SCFD1: variants seen among roughly 807,000 people sequenced by gnomAD.
The protein encoded by SCFD1 is sec1 family domain containing 1, also known as sec1 family domain-containing protein 1.
SCFD1 carries 37 observed loss-of-function variants against 103.2 expected under a neutral mutation model. The ratio of observed to expected loss-of-function variants is 0.36; its 90% CI spans 0.28 to 0.47. SCFD1 has a LOEUF of 0.47. Among genes scored for constraint, SCFD1 ranks in the 20% least tolerant of loss-of-function variants. SCFD1 has a pLI of 1.00. For synonymous variants in SCFD1, 264 were observed against 245.0 expected, an observed-to-expected ratio of 1.08 and a Z score of -0.73; for missense variants, 639 against 761.2, an observed-to-expected ratio of 0.84 and a Z score of 1.89.
At chr14:30,622,574 G>A (rs1882956591) in intron 1 of SCFD1, 175 bp downstream of exon 1, 1 of 1,152,610 alleles carries the variant, frequency 8.7e-7, no homozygotes, top group Non-Finnish European at 1.2e-6. Flanking sequence ...TGAGGACTCG[G>A]TTCCTCCTGT....
Position 30,710,588 on chromosome 14 carries a change from A to G in SCFD1, c.1629+2523A>G, listed in dbSNP as rs368376560. 1.6e-4 allele frequency among the ~76,000 whole-genome samples: 24 copies of G among 152,278 alleles called. No homozygotes were observed. The South Asian group carries it at 5.0e-3, about 32-fold the overall frequency. On this transcript the variant is annotated intron_variant, in intron 19 of 24. Coordinates refer to ENST00000458591, the MANE Select transcript of SCFD1 (RefSeq NM_016106.4). ...TCTCTGGTTACTACTGTCCACGACA[A>G]ATTGCTAGGATTGAAATCTAGAATC...
At chr14:30,671,552 G>A (rs1198358450) in intron 11 of SCFD1, among the ~76,000 whole-genome samples, 2 of 152,048 alleles carry the variant, frequency 1.3e-5, no homozygotes, top group Admixed American at 6.6e-5. Context: ...TAGAACATAT[G>A]TTTAAGAACA....
At chr14:30,683,299 G>T in intron 14 of SCFD1, 1 of 814,400 alleles carries the variant, frequency 1.2e-6, no homozygotes, top group Non-Finnish European at 1.9e-6. Context: ...ATAGTAGCAG[G>T]GTGTGAGGAA....
chr14:30,711,108 A>G (rs1391538573), intron 19 of SCFD1, among the ~76,000 whole-genome samples: 1 of 152,236 alleles, frequency 6.6e-6, no homozygotes, highest in Non-Finnish European at 1.5e-5. Context: ...GAATGTGAAG[A>G]TGAATAATGT....
intron 2 of SCFD1, 109 bp from the exon 3 acceptor site, chr14:30,630,368 A>G (rs1209637088): frequency 2.8e-6 from 2 of 702,600 alleles, no homozygotes; most frequent in African/African-American, 3.6e-5. Flanking sequence ...CAAGGATAAC[A>G]ATTCAGTATA....
chr14:30,727,318 A>C (rs1893114874), intron 23 of SCFD1, among the ~76,000 whole-genome samples: 1 of 152,228 alleles, frequency 6.6e-6, no homozygotes, highest in Non-Finnish European at 1.5e-5. Context: ...TTCGTTGTTC[A>C]ACAAAATCGT....
At chr14:30,657,513 G>A (rs1315446009) in intron 10 of SCFD1, among the ~76,000 whole-genome samples, 1 of 152,196 alleles carries the variant, frequency 6.6e-6, no homozygotes, top group Non-Finnish European at 1.5e-5. Context: ...GGTGGTGAAA[G>A]TAGATGGTAG....
At chr14:30,646,419 A>G (rs1003786941) in intron 7 of SCFD1, among the ~76,000 whole-genome samples, 2 of 150,382 alleles carry the variant, frequency 1.3e-5, no homozygotes, top group South Asian at 2.1e-4. Context: ...CTTTTTATGT[A>G]ATGAATCACA....
chr14:30,637,842 A>G (rs1884887055), intron 4 of SCFD1, among the ~76,000 whole-genome samples: 1 of 152,140 alleles, frequency 6.6e-6, no homozygotes, highest in Non-Finnish European at 1.5e-5. Flanking sequence ...TGGATATTTT[A>G]AGAAGAATGC....
intron 4 of SCFD1, 80 bp downstream of exon 4, chr14:30,634,117 G>A (rs1884461733): frequency 2.6e-6 from 2 of 766,342 alleles, no homozygotes; most frequent in East Asian, 2.7e-5. Flanking sequence ...GATGTCCAGG[G>A]TGAAAAATCA....
At chr14:30,716,174 A>G (rs924064629) in intron 20 of SCFD1, among the ~76,000 whole-genome samples, 197 bp downstream of exon 20, 2 of 152,226 alleles carry the variant, frequency 1.3e-5, no homozygotes, top group African/African-American at 4.8e-5. Context: ...CTCAGCTGCC[A>G]TACCCATTCT....
At chr14:30,728,799 G>A (rs1290015997) in intron 23 of SCFD1, among the ~76,000 whole-genome samples, 1 of 147,276 alleles carries the variant, frequency 6.8e-6, no homozygotes, top group Non-Finnish European at 1.5e-5. Context: ...TTGGCCATTT[G>A]TATATCTTTG....
intron 10 of SCFD1, among the ~76,000 whole-genome samples, chr14:30,659,267 CAA>C (rs1434468292): frequency 7.5e-5 from 11 of 145,772 alleles, no homozygotes; most frequent in Non-Finnish European, 6.0e-5. Flanking sequence ...ATTTTATAAT[CAA>C]ATATATTCAA....
chr14:30,624,753 C>T (rs1883211659), intron 1 of SCFD1, among the ~76,000 whole-genome samples: 1 of 152,186 alleles, frequency 6.6e-6, no homozygotes, highest in Non-Finnish European at 1.5e-5. Context: ...CCAAAGTGAT[C>T]TTACAGTGTT....
intron 15 of SCFD1, among the ~76,000 whole-genome samples, chr14:30,696,313 G>A (rs1282839626): frequency 6.6e-6 from 1 of 152,166 alleles, no homozygotes; most frequent in African/African-American, 2.4e-5. Context: ...GCATTTTACA[G>A]TGAAAGAAAT....
At chr14:30,722,669 A>G (rs1892733600) in intron 23 of SCFD1, 110 bp downstream of exon 23, 1 of 564,970 alleles carries the variant, frequency 1.8e-6, no homozygotes, top group South Asian at 4.0e-5. Flanking sequence ...TCTAAAAGGT[A>G]GTTTTAAAAT....
At chr14:30,634,330 T>C (rs998765092) in intron 4 of SCFD1, among the ~76,000 whole-genome samples, 1 of 152,226 alleles carries the variant, frequency 6.6e-6, no homozygotes, top group African/African-American at 2.4e-5. Context: ...CACATTCATA[T>C]AACTTTCATT....
Position 30,635,749 on chromosome 14 carries a change from C to G in SCFD1, c.312+1712C>G, listed in dbSNP as rs141440974. On this transcript the variant is annotated intron_variant, in intron 4 of 24. Transcript: ENST00000458591. ...GCAGGTTTCTCTGTGGACATGTTTT[C>G]AATTCTCTTGTGGCCGTAAACACAT... Among the ~76,000 whole-genome samples, 378 of 152,168 alleles carry G rather than the reference C, an allele frequency of 2.5e-3. No homozygotes were observed. In the Middle Eastern group the frequency reaches 0.031, roughly 12 times the overall value.
intron 6 of SCFD1, among the ~76,000 whole-genome samples, chr14:30,640,738 A>G (rs529458660): frequency 6.6e-6 from 1 of 152,260 alleles, no homozygotes; most frequent in East Asian, 1.9e-4. Context: ...TATAATTCTA[A>G]CAAGCAAAAT....
Sources: allele counts gnomAD v4.1 joint callset (sites outside exome capture counted in the v4.1 genomes callset), GRCh38; gene constraint gnomAD v4.1.1; transcripts MANE v1.5; gene names NCBI Gene and HGNC (gene_info 2026-07-23, HGNC 2026-07-21).